LRRC28: variants seen among roughly 807,000 people sequenced by gnomAD.
LRRC28 encodes leucine rich repeat containing 28.
Under a neutral mutation model 45.7 loss-of-function variants are expected in LRRC28, and 39 were observed. That is an observed-to-expected ratio of 0.85 (90% CI 0.66 to 1.12). The LOEUF (loss-of-function observed/expected upper bound fraction) is 1.12. Ranked by LOEUF, LRRC28 falls within the 50% of genes most tolerant of loss-of-function variation. The probability of loss-of-function intolerance (pLI) is 0.00; values close to 1 mark genes in which losing one functional copy is unlikely to be tolerated. For missense variants in LRRC28, 435 were observed against 438.5 expected, an observed-to-expected ratio of 0.99 and a Z score of 0.07; for synonymous variants, 206 against 178.8, an observed-to-expected ratio of 1.15 and a Z score of -1.22.
intron 7 of LRRC28, chr15:99,361,128 A>G: frequency 2.0e-6 from 1 of 497,612 alleles, no homozygotes; most frequent in Non-Finnish European, 3.4e-6. Flanking sequence ...CTCAGCAATG[A>G]TTTAGCTGAG....
intron 2 of LRRC28, among the ~76,000 whole-genome samples, chr15:99,275,870 C>A (rs180900387): frequency 2.1e-3 from 324 of 152,274 alleles, no homozygotes; most frequent in Non-Finnish European, 3.5e-3. Context: ...AATCCCTGGG[C>A]CACAGACCTG....
At chr15:99,313,687 T>G (rs751652405) in intron 5 of LRRC28, among the ~76,000 whole-genome samples, 2 of 152,218 alleles carry the variant, frequency 1.3e-5, no homozygotes, top group Non-Finnish European at 2.9e-5. Context: ...TATCTAAGAA[T>G]GCCTTTATTT....
At chr15:99,271,548 A>G (rs1207917811) in intron 2 of LRRC28, among the ~76,000 whole-genome samples, 4 of 152,078 alleles carry the variant, frequency 2.6e-5, no homozygotes, top group African/African-American at 9.7e-5. Flanking sequence ...AAGTGCTGGA[A>G]TTACAGGCGT....
At chr15:99,327,276 T>C (rs1353063531) in intron 5 of LRRC28, among the ~76,000 whole-genome samples, 1 of 152,104 alleles carries the variant, frequency 6.6e-6, no homozygotes, top group Non-Finnish European at 1.5e-5. Flanking sequence ...GATTTCACCA[T>C]GTTGGCCAGG....
At chr15:99,259,192 G>T in intron 2 of LRRC28, 1 of 1,118,216 alleles carries the variant, frequency 8.9e-7, no homozygotes, top group Non-Finnish European at 1.4e-6. Flanking sequence ...GCCTACACCA[G>T]GATGTTGAAA....
At chr15:99,267,433 C>T (rs1195314162) in intron 2 of LRRC28, among the ~76,000 whole-genome samples, 1 of 152,196 alleles carries the variant, frequency 6.6e-6, no homozygotes, top group Non-Finnish European at 1.5e-5. Flanking sequence ...TAGTTTGGTT[C>T]ATTTTGAATT....
Position 99,390,506 on chromosome 15 carries a change from A to C in LRRC28, c.*4404A>C, listed in dbSNP as rs1958153400. On this transcript the variant is annotated 3_prime_UTR_variant, in exon 10 of 10. Transcript: ENST00000301981. ...GTTTCTTATTGTGATTTTTGAGTCT[A>C]AATGATCCAAGATTTTTAAAATAGA... 1 of 152,262 alleles carries C rather than the reference A, an allele frequency of 6.6e-6. No individual in the cohort carries two copies. The highest frequency in any genetic ancestry group is 1.5e-5 in the Non-Finnish European group (1 of 68,048). The allele number at this position is 152,262 out of a possible 1,614,324, so 9.4% of individuals were successfully genotyped here. A position where few individuals can be genotyped will look rare whatever the true frequency, so the allele number is the denominator to read the frequency against.
chr15:99,350,259 T>C (rs1956836965), intron 6 of LRRC28, among the ~76,000 whole-genome samples: 1 of 152,160 alleles, frequency 6.6e-6, no homozygotes, highest in South Asian at 2.1e-4. Flanking sequence ...GGGAAGCAGA[T>C]GCTCTCATAC....
Position 99,258,011 on chromosome 15 carries a change from G to A in LRRC28, c.168+1886G>A, listed in dbSNP as rs551445170. 5.2e-4 allele frequency: 508 copies of A among 984,152 alleles called. 7 individuals carry two copies. In the South Asian group the frequency reaches 5.7e-3, roughly 11 times the overall value. The allele number at this position is 984,152 out of a possible 1,614,324, so 61.0% of individuals were successfully genotyped here. A position where few individuals can be genotyped will look rare whatever the true frequency, so the allele number is the denominator to read the frequency against. On this transcript the variant is annotated intron_variant, in intron 2 of 9. Coordinates refer to ENST00000301981, the MANE Select transcript of LRRC28 (RefSeq NM_144598.5). ...TGAAAATGCTCTTTCTGGAAATGAG[G>A]AACTAACAGTCAAAATTAAGTGTGA...
chr15:99,300,661 A>G (rs1400751305), intron 5 of LRRC28, among the ~76,000 whole-genome samples: 1 of 152,078 alleles, frequency 6.6e-6, no homozygotes, highest in Non-Finnish European at 1.5e-5. Flanking sequence ...CCCTGCTTCT[A>G]CTAAAAATAC....
At chr15:99,380,363 T>C (rs1215797319) in intron 9 of LRRC28, among the ~76,000 whole-genome samples, 1 of 152,218 alleles carries the variant, frequency 6.6e-6, no homozygotes, top group African/African-American at 2.4e-5. Context: ...TTGCAACCCT[T>C]GCCTTTTTTT....
chr15:99,349,701 C>G (rs186465424), intron 6 of LRRC28, among the ~76,000 whole-genome samples: 3 of 152,100 alleles, frequency 2.0e-5, no homozygotes, highest in Non-Finnish European at 4.4e-5. Flanking sequence ...ACCAATGTCC[C>G]TGATACGTAA....
intron 5 of LRRC28, chr15:99,332,116 T>TA (rs1449916894): frequency 6.6e-6 from 1 of 152,232 alleles, no homozygotes; most frequent in African/African-American, 2.4e-5. Context: ...TATTTCTTCT[T>TA]ATGACTTATA....
Sources: gnomAD v4.1 joint callset for allele counts (sites outside exome capture counted in the v4.1 genomes callset) on GRCh38, gnomAD v4.1.1 for gene constraint, MANE v1.5 for transcripts, NCBI Gene and HGNC (gene_info 2026-07-23, HGNC 2026-07-21) for gene names.